The following CFAP299 variants were observed in gnomAD, a reference collection of about 807,000 sequenced individuals.
The protein encoded by CFAP299 is cilia- and flagella-associated protein 299.
Under a neutral mutation model 27.0 loss-of-function variants are expected in CFAP299, and 21 were observed. The ratio of observed to expected loss-of-function variants is 0.78; its 90% CI spans 0.55 to 1.12. The LOEUF (loss-of-function observed/expected upper bound fraction) is 1.12. Among genes scored for constraint, CFAP299 ranks in the 50% most tolerant of loss-of-function variants. CFAP299 has a pLI of 0.00. For missense variants in CFAP299, 310 were observed against 276.6 expected, an observed-to-expected ratio of 1.12 and a Z score of -0.86; for synonymous variants, 104 against 98.1, an observed-to-expected ratio of 1.06 and a Z score of -0.36.
chr4:80,892,579 T>C (rs1470207916), intron 4 of CFAP299, among the ~76,000 whole-genome samples: 7 of 152,044 alleles, frequency 4.6e-5, no homozygotes, highest in Admixed American at 6.6e-5. Context: ...AGTCAACATA[T>C]GCAAATTAGT....
At chr4:80,694,541 C>T (rs147951940) in intron 3 of CFAP299, among the ~76,000 whole-genome samples, 188 of 152,270 alleles carry the variant, frequency 1.2e-3, no homozygotes, top group African/African-American at 4.4e-3. Context: ...TATGCAGTAA[C>T]AGGTATGCAG....
intron 4 of CFAP299, chr4:80,870,628 C>A (rs1733028801): frequency 2.0e-6 from 2 of 985,842 alleles, no homozygotes; most frequent in African/African-American, 1.7e-5. Flanking sequence ...TATTCTAGAA[C>A]CCTTATCTAT....
chr4:80,800,490 T>TC (rs1330857865), intron 3 of CFAP299, among the ~76,000 whole-genome samples: 11 of 2,516 alleles, frequency 4.4e-3, no homozygotes, highest in African/African-American at 6.7e-3. Context: ...ATATAATATA[T>TC]AATATATAAT....
At chr4:80,842,942 G>A (rs1730945092) in intron 3 of CFAP299, among the ~76,000 whole-genome samples, 1 of 151,886 alleles carries the variant, frequency 6.6e-6, no homozygotes, top group African/African-American at 2.4e-5. Flanking sequence ...CCTGAAACAA[G>A]AACAAATAGA....
intron 5 of CFAP299, among the ~76,000 whole-genome samples, chr4:80,958,176 T>G (rs1269388156): frequency 6.6e-6 from 1 of 152,148 alleles, no homozygotes. Flanking sequence ...TTAAGATAAC[T>G]TATACATAGT....
At chr4:80,473,678 T>C (rs988157352) in intron 2 of CFAP299, among the ~76,000 whole-genome samples, 1 of 152,118 alleles carries the variant, frequency 6.6e-6, no homozygotes, top group African/African-American at 2.4e-5. Context: ...TCAAGCCTTC[T>C]TCCCGCCTCA....
intron 2 of CFAP299, among the ~76,000 whole-genome samples, chr4:80,540,447 C>G (rs528950595): frequency 6.6e-6 from 1 of 152,206 alleles, no homozygotes; most frequent in East Asian, 1.9e-4. Flanking sequence ...TTCATTACCC[C>G]AAACAAGGGC....
At chr4:80,339,248 A>T (rs1295726971) in intron 1 of CFAP299, among the ~76,000 whole-genome samples, 1 of 152,100 alleles carries the variant, frequency 6.6e-6, no homozygotes, top group Non-Finnish European at 1.5e-5. Context: ...ACTGTTGCTA[A>T]CCCAAGGATG....
rs922336674 is a variant in CFAP299, at chr4:80,688,878, G to A, written c.333+105695G>A. On this transcript the variant is annotated intron_variant, in intron 3 of 5. Coordinates refer to ENST00000358105, the MANE Select transcript of CFAP299 (RefSeq NM_152770.3). ...CTGATGGAGCTGAAAACCAAGGCTCGAGAACTACGTGAAGAATGCAGAAGC... is the reference window on the plus strand; with the variant it reads ...CTGATGGAGCTGAAAACCAAGGCTCAAGAACTACGTGAAGAATGCAGAAGC... Among the ~76,000 whole-genome samples, 6 of 151,766 alleles carry A rather than the reference G, an allele frequency of 4.0e-5. No homozygotes were observed. The East Asian group carries it at 5.8e-4, about 15-fold the overall frequency.
At chr4:80,773,847 T>C (rs1258903926) in intron 3 of CFAP299, among the ~76,000 whole-genome samples, 1 of 151,904 alleles carries the variant, frequency 6.6e-6, no homozygotes, top group African/African-American at 2.4e-5. Flanking sequence ...TATTAAAGAG[T>C]CTTAAGTTGC....
intron 3 of CFAP299, among the ~76,000 whole-genome samples, chr4:80,645,971 T>C (rs1334256301): frequency 6.6e-6 from 1 of 152,224 alleles, no homozygotes; most frequent in African/African-American, 2.4e-5. Flanking sequence ...TCTCTCAGTT[T>C]GAAAAATTTG....
At chr4:80,633,434 A>G (rs1739322022) in intron 3 of CFAP299, among the ~76,000 whole-genome samples, 1 of 152,138 alleles carries the variant, frequency 6.6e-6, no homozygotes, top group Non-Finnish European at 1.5e-5. Context: ...AGCCTGGGTG[A>G]CAGAGTAAGG....
At chr4:80,428,330 A>G (rs1161424775) in intron 2 of CFAP299, among the ~76,000 whole-genome samples, 7 of 152,310 alleles carry the variant, frequency 4.6e-5, no homozygotes, top group African/African-American at 1.4e-4. Flanking sequence ...GAAAAAGCCT[A>G]TTCTAAATTG....
intron 3 of CFAP299, among the ~76,000 whole-genome samples, chr4:80,807,056 A>G (rs969198744): frequency 1.3e-5 from 2 of 152,184 alleles, no homozygotes; most frequent in African/African-American, 4.8e-5. Context: ...GTTTACAGAT[A>G]TAAAGTTGCA....
At chr4:80,879,799 C>T (rs1037767023) in intron 4 of CFAP299, among the ~76,000 whole-genome samples, 23 of 152,196 alleles carry the variant, frequency 1.5e-4, no homozygotes, top group Non-Finnish European at 2.1e-4. Flanking sequence ...TAAAGTTGTT[C>T]GGCTTCTCTA....
At chr4:80,949,906 A>G (rs1737682179) in intron 5 of CFAP299, among the ~76,000 whole-genome samples, 1 of 152,086 alleles carries the variant, frequency 6.6e-6, no homozygotes, top group African/African-American at 2.4e-5. Context: ...GAAGGTGTAG[A>G]GCAGTACAGA....
intron 2 of CFAP299, among the ~76,000 whole-genome samples, chr4:80,548,180 G>T (rs988813507): frequency 6.6e-6 from 1 of 152,100 alleles, no homozygotes; most frequent in African/African-American, 2.4e-5. Flanking sequence ...ATACACTGTG[G>T]AATACTTAGC....
chr4:80,936,209 A>G (rs1178728299), intron 4 of CFAP299, among the ~76,000 whole-genome samples: 2 of 152,128 alleles, frequency 1.3e-5, no homozygotes, highest in East Asian at 1.9e-4. Context: ...AATTAGTTCA[A>G]CCATTGTGGA....
chr4:80,959,240 T>G (rs1265091399), intron 5 of CFAP299, among the ~76,000 whole-genome samples: 1 of 150,684 alleles, frequency 6.6e-6, no homozygotes, highest in African/African-American at 2.4e-5. Flanking sequence ...AGCCTTGAGA[T>G]AGATATAAGA....
Sources: allele counts gnomAD v4.1 joint callset (sites outside exome capture counted in the v4.1 genomes callset), GRCh38; gene constraint gnomAD v4.1.1; transcripts MANE v1.5; gene names NCBI Gene and HGNC (gene_info 2026-07-23, HGNC 2026-07-21).